Variants in DPAGT1 observed in about 807,000 individuals in gnomAD.
DPAGT1 encodes dolichyl-phosphate N-acetylglucosaminephosphotransferase 1, also known as UDP-N-acetylglucosamine--dolichyl-phosphate N-acetylglucosaminephosphotransferase.
Under a neutral mutation model 39.3 loss-of-function variants are expected in DPAGT1, and 25 were observed. The observed-to-expected ratio is 0.64, with a 90% CI of 0.46 to 0.89. The LOEUF (loss-of-function observed/expected upper bound fraction) is 0.89. DPAGT1 is among the 40% of genes least tolerant of loss of function. DPAGT1 has a pLI of 0.00. For missense variants in DPAGT1, 381 were observed against 500.6 expected (o/e 0.76, Z 2.28); for synonymous variants, 193 against 201.4 (o/e 0.96, Z 0.36).
At chr11:119,094,677 G>C (rs1946360239), downstream of DPAGT1, 4 of 286,382 alleles carry the variant, frequency 1.4e-5, no homozygotes, top group South Asian at 4.9e-4. Context: ...CCCGAAGAGC[G>C]CCCAAGCCGC....
rs369353136 is a variant in DPAGT1 at position 119,098,394 on chromosome 11, C to T, written c.728+9G>A. On this transcript the variant is annotated intron_variant, in intron 5 of 8. Transcript: ENST00000354202. ...AGGTAGTTGTCCCCTTATCCACAGG[C>T]CTACTTACCAGTTGTGGTAGAGCAA... 1.4e-4 allele frequency: 218 copies of T among 1,613,068 alleles called. No individual in the cohort carries two copies. Among genetic ancestry groups the T allele is most frequent in the Non-Finnish European group, 1.6e-4 (190 of 1,179,236 alleles).
chr11:119,094,627 C>CT (rs1946359154), downstream of DPAGT1: 1 of 201,478 alleles, frequency 5.0e-6, no homozygotes, highest in African/African-American at 2.3e-5. Context: ...CGCCGCCGGC[C>CT]TCCCCCCGGC....
At position 119,100,720 on chromosome 11, in the gene DPAGT1, G is replaced by T. The variant is rs1946487020; in HGVS notation, c.406C>A (p.Leu136Ile). The T allele has an allele frequency of 4.3e-6, 7 of 1,614,180 alleles. No individual in the cohort carries two copies. Among genetic ancestry groups the T allele is most frequent in the Non-Finnish European group, 5.9e-6 (7 of 1,180,024 alleles). ...AAGTTGGTGAAATAGACCATGAGGA[G>T]AGGTAGTGAGGCAGCTGTAGGTAGC... ...LLLPTAASLP[L>I]LMVYFTNFGN... The change falls in exon 3 of 9, where the codon CTC (leucine) becomes ATC (isoleucine). Residue 136 changes from leucine to isoleucine, a missense_variant. Coordinates refer to ENST00000354202, the MANE Select transcript of DPAGT1 (RefSeq NM_001382.4).
At position 119,097,164 on chromosome 11, in the gene DPAGT1, G is replaced by A. The variant is rs776720609; in HGVS notation, c.1139C>T (p.Thr380Ile). ...CACCTGCAGCAGCAGCAGGAGCAATGTGAGGTTTCTCTCATGTATGGGCCC... is the reference window on the plus strand; with the variant it reads ...CACCTGCAGCAGCAGCAGGAGCAATATGAGGTTTCTCTCATGTATGGGCCC... Reference protein sequence around the residue: ...VLGPIHERNLTLLLLLLQILG... With the variant: ...VLGPIHERNLILLLLLLQILG... Residue 380 changes from threonine to isoleucine, a missense_variant, in exon 8 of 9, where the codon ACA (threonine) becomes ATA (isoleucine). By Grantham distance (89) the Thr-to-Ile change is moderately conservative. Coordinates refer to ENST00000354202, the MANE Select transcript of DPAGT1 (RefSeq NM_001382.4). The surrounding 1 kb of genome is among the most constrained non-coding windows in gnomAD (Gnocchi z 4.6). 18 of 1,614,088 alleles carry A rather than the reference G, an allele frequency of 1.1e-5. No homozygotes were observed. In the South Asian group the frequency reaches 2.0e-4, roughly 18 times the overall value.
At position 119,096,554 on chromosome 11, in the gene DPAGT1, C is replaced by A; in HGVS notation, c.*444G>T. ...TATTGTCTCCATTGAGAGCATGTGG[C>A]CCCCTGCTTAGTTCTTACTAATCAG... On this transcript the variant is annotated 3_prime_UTR_variant, in exon 9 of 9. Transcript: ENST00000354202. 8.3e-6 allele frequency: 2 copies of A among 239,826 alleles called. No individual in the cohort carries two copies. Among genetic ancestry groups the A allele is most frequent in the Non-Finnish European group, 8.3e-6 (1 of 120,890 alleles). 14.9% of individuals were successfully genotyped at this position (239,826 alleles called of 1,614,324 possible).
In DPAGT1 at chr11:119,097,231, A is replaced by G; in HGVS notation, c.1072T>C (p.Cys358Arg). Reference sequence around the variant, plus strand: ...AAGTTGATGAGGGTCATGTTGTTACATTCAGTGAATTCACCATCTTCAGTC... The same window carrying G: ...AAGTTGATGAGGGTCATGTTGTTACGTTCAGTGAATTCACCATCTTCAGTC... ...SETEDGEFTE[C>R]NNMTLINLLL... Residue 358 changes from cysteine to arginine, a missense_variant, in exon 8 of 9, where the codon TGT becomes CGT. Transcript: ENST00000354202. This position sits in a 1 kb window ranked among gnomAD's most constrained non-coding sequence, Gnocchi z 4.6. 1 of 1,614,236 alleles carries G rather than the reference A, an allele frequency of 6.2e-7. No individual in the cohort carries two copies. The highest frequency in any genetic ancestry group is 8.5e-7 in the Non-Finnish European group (1 of 1,180,042).
chr11:119,095,487 C>T, downstream of DPAGT1: 2 of 1,357,346 alleles, frequency 1.5e-6, no homozygotes, highest in Non-Finnish European at 9.7e-7. Flanking sequence ...GCCGCGAGGC[C>T]GCCTTTATAA....
In DPAGT1 at chr11:119,097,895, G is replaced by A; in HGVS notation, c.877C>T (p.Leu293Phe). 2 of 1,614,214 alleles carry A rather than the reference G, an allele frequency of 1.2e-6. No individual in the cohort carries two copies. Among genetic ancestry groups the A allele is most frequent in the Non-Finnish European group, 1.7e-6 (2 of 1,180,042 alleles). The change falls in exon 6 of 9, where the codon CTC becomes TTC. Residue 293 changes from leucine (L) to phenylalanine (F), a missense_variant. Leu to Phe is a conservative substitution (Grantham distance 22, BLOSUM62 0). Transcript: ENST00000354202. This position sits in a 1 kb window ranked among gnomAD's most constrained non-coding sequence, Gnocchi z 4.6. ...CGAGGGCAGGGGATGATATGCAGGA[G>A]CTGAGGCAGTGAGTAGAGGAAGTTG... is the stretch of plus-strand genomic sequence containing the variant. The part of the protein sequence containing the change: ...VFNFLYSLPQ[L>F]LHIIPCPRHR...
rs752484662 is a variant in DPAGT1, at chr11:119,097,254, G to A, written c.1049C>T (p.Thr350Ile). The A allele has an allele frequency of 3.7e-6, 6 of 1,614,220 alleles. No individual in the cohort carries two copies. Among genetic ancestry groups the A allele is most frequent in the Admixed American group, 1.7e-5 (1 of 60,034 alleles). The change falls in exon 8 of 9, where the codon ACT (threonine) becomes ATT (isoleucine). Residue 350 changes from threonine to isoleucine, a missense_variant. Physicochemically the swap from Thr to Ile is moderately conservative, Grantham distance 89 (BLOSUM62 -1). Coordinates refer to ENST00000354202, the MANE Select transcript of DPAGT1 (RefSeq NM_001382.4). The surrounding 1 kb of genome is among the most constrained non-coding windows in gnomAD (Gnocchi z 4.6). ...LQLVTVHQSE[T>I]EDGEFTECNN... Reference sequence around the variant, plus strand: ...ACATTCAGTGAATTCACCATCTTCAGTCTCACTCTGGTGTACTGTCACCAG... The same window carrying A: ...ACATTCAGTGAATTCACCATCTTCAATCTCACTCTGGTGTACTGTCACCAG...
intron 4 of DPAGT1, 117 bp downstream of exon 4, chr11:119,100,145 C>T (rs1405610604): frequency 6.6e-7 from 1 of 1,506,886 alleles, no homozygotes; most frequent in Non-Finnish European, 9.2e-7. Flanking sequence ...AGTAGCTTCC[C>T]TTATCTTCTA....
chr11:119,094,954 C>G (rs1946365074), downstream of DPAGT1: 2 of 1,590,216 alleles, frequency 1.3e-6, no homozygotes, highest in Admixed American at 3.7e-5. Context: ...GGCCGCGGCG[C>G]GGGCCCTCTT....
Position 119,097,745 on chromosome 11 carries a change from A to C in DPAGT1, c.917+110T>G. On this transcript the variant is annotated intron_variant, in intron 6 of 8. Transcript: ENST00000354202. This position sits in a 1 kb window ranked among gnomAD's most constrained non-coding sequence, Gnocchi z 4.6. ...AAGTTATAAAGGGCTACTCACATGG[A>C]AATAGCCCTTCTTTGGGCCCACTCC... 1 of 1,501,008 alleles carries C rather than the reference A, an allele frequency of 6.7e-7. No individual in the cohort carries two copies. The highest frequency in any genetic ancestry group is 9.3e-7 in the Non-Finnish European group (1 of 1,080,026). 93.0% of individuals were successfully genotyped at this position (1,501,008 alleles called of 1,614,324 possible).
At chr11:119,094,044 G>A (rs1215885354), downstream of DPAGT1, 1 of 152,720 alleles carries the variant, frequency 6.5e-6, no homozygotes, top group African/African-American at 2.4e-5. Flanking sequence ...TTGGATTGCC[G>A]AGTTGAGTTT....
intron 3 of DPAGT1, 110 bp downstream of exon 3, chr11:119,100,520 A>G: frequency 6.3e-7 from 1 of 1,596,332 alleles, no homozygotes; most frequent in Non-Finnish European, 8.6e-7. Context: ...ACCAGAAAGG[A>G]TCTGGGAAGA....
At chr11:119,100,471 T>G (rs1946478714) in intron 3 of DPAGT1, 63 bp from the exon 4 acceptor site, 2 of 1,612,668 alleles carry the variant, frequency 1.2e-6, no homozygotes, top group African/African-American at 2.7e-5. Context: ...TTAAGAATTT[T>G]TAGAAAAGTG....
Position 119,100,796 on chromosome 11 carries a change from G to A in DPAGT1, c.330C>T (p.Phe110=), listed in dbSNP as rs199994118. 5.9e-4 allele frequency: 959 copies of A among 1,614,114 alleles called. No individual in the cohort carries two copies. The highest frequency in any genetic ancestry group is 6.7e-4 in the Non-Finnish European group (794 of 1,180,046). ...GALLAICCMI[F]LGFADDVLNL... The stretch of plus-strand genomic sequence containing the variant: ...TCAGTACATCATCCGCAAAGCCCAG[G>A]AAGATCATGCAGCAGATGGCAAGGA... Residue 110 remains phenylalanine, a synonymous_variant, in exon 3 of 9, where the codon TTC becomes TTT. Transcript: ENST00000354202.
chr11:119,097,339 T>C lies in DPAGT1; in HGVS notation c.1006-42A>G, dbSNP rs943371372. On this transcript the variant is annotated intron_variant, in intron 7 of 8. Transcript: ENST00000354202. This position sits in a 1 kb window ranked among gnomAD's most constrained non-coding sequence, Gnocchi z 4.6. Reference sequence around the variant, plus strand: ...TGAAGAGAACCTCAGCTAATACCTATGCTTTAGGAATGTGGATCTATTTAA... The same window carrying C: ...TGAAGAGAACCTCAGCTAATACCTACGCTTTAGGAATGTGGATCTATTTAA... 10 of 1,613,820 alleles carry C rather than the reference T, an allele frequency of 6.2e-6. No individual in the cohort carries two copies. The highest frequency in any genetic ancestry group is 7.6e-6 in the Non-Finnish European group (9 of 1,179,750).
Position 119,099,780 on chromosome 11 carries a change from C to CA in DPAGT1, c.643+481dup, listed in dbSNP as rs57486910. Among the ~76,000 whole-genome samples the CA allele has an allele frequency of 7.7e-3, 581 of 75,698 alleles. 24 individuals are homozygous for CA. Among genetic ancestry groups the CA allele is most frequent in the African/African-American group, 0.025 (382 of 15,114 alleles). 49.7% of individuals were successfully genotyped at this position (75,698 alleles called of 152,430 possible). A position where few individuals can be genotyped will look rare whatever the true frequency, so the allele number is the denominator to read the frequency against. ...TGCATGACAGAGGGAGACCCTGTCT[C>CA]AAAAAAAAAAAAAAAAAAAAAAAAA... is the stretch of plus-strand genomic sequence containing the variant. On this transcript the variant is annotated intron_variant, in intron 4 of 8. Transcript: ENST00000354202.
At chr11:119,094,790 C>T (rs974628982), downstream of DPAGT1, 10 of 701,008 alleles carry the variant, frequency 1.4e-5, no homozygotes, top group African/African-American at 1.9e-4. Flanking sequence ...CGGGCGGGGA[C>T]TCGAGGCCGG....
Sources: gnomAD v4.1 joint callset for allele counts (sites outside exome capture counted in the v4.1 genomes callset) on GRCh38, gnomAD v4.1.1 for gene constraint, Gnocchi (gnomAD v3.1) non-coding constraint, MANE v1.5 for transcripts, NCBI Gene and HGNC (gene_info 2026-07-23, HGNC 2026-07-21) for gene names.